MARCHF2: variants seen among roughly 807,000 people sequenced by gnomAD.
The protein encoded by MARCHF2 is membrane associated ring-CH-type finger 2.
MARCHF2 carries 22 observed loss-of-function variants against 24.0 expected under a neutral mutation model. The ratio of observed to expected loss-of-function variants is 0.92; its 90% CI spans 0.66 to 1.31. The LOEUF is 1.31. MARCHF2 is among the 50% of genes most tolerant of loss of function. The pLI, the probability that MARCHF2 is intolerant of heterozygous loss-of-function variation, is 0.00. For synonymous variants in MARCHF2, 154 were observed against 153.0 expected (o/e 1.01, Z -0.05); for missense variants, 301 against 335.3 (o/e 0.90, Z 0.80).
At position 8,420,682 on chromosome 19, in the gene MARCHF2, C is replaced by T. The variant is rs1042736582; in HGVS notation, c.-52-1107C>T. On this transcript the variant is annotated intron_variant, in intron 1 of 4. Coordinates refer to ENST00000215555, the MANE Select transcript of MARCHF2 (RefSeq NM_001005415.2). ...TCTCTTTTTTAGAGACAGGTTCTCACTCTGTGGCATAGGCAGGAGTGCTGT... is the reference window on the plus strand; with the variant it reads ...TCTCTTTTTTAGAGACAGGTTCTCATTCTGTGGCATAGGCAGGAGTGCTGT... 2.0e-5 allele frequency among the ~76,000 whole-genome samples: 3 copies of T among 152,182 alleles called. No homozygotes were observed. In the South Asian group the frequency reaches 6.2e-4, roughly 32 times the overall value.
chr19:8,429,178 G>T (rs995784306), intron 3 of MARCHF2, among the ~76,000 whole-genome samples: 1 of 148,812 alleles, frequency 6.7e-6, no homozygotes, highest in Non-Finnish European at 1.5e-5. Context: ...TCTTCACGTG[G>T]TTCCTTCTGT....
chr19:8,421,708 G>A, intron 1 of MARCHF2, 81 bp from the exon 2 acceptor site: 4 of 723,550 alleles, frequency 5.5e-6, no homozygotes, highest in Non-Finnish European at 8.8e-6. Flanking sequence ...GGTCCCTACA[G>A]CCTTGACAAG....
chr19:8,438,233 T>C (rs143654476), intron 4 of MARCHF2, among the ~76,000 whole-genome samples, 155 bp from the exon 5 acceptor site: 1 of 152,274 alleles, frequency 6.6e-6, no homozygotes, highest in Non-Finnish European at 1.5e-5. Flanking sequence ...TGGGTCTGTG[T>C]GTGTGCACTT....
At chr19:8,427,594 G>A (rs545821708) in intron 3 of MARCHF2, 9 of 152,082 alleles carry the variant, frequency 5.9e-5, no homozygotes, top group Admixed American at 5.9e-4. Context: ...CATGTCACAG[G>A]GGGTGGGGCA....
Position 8,438,494 on chromosome 19 carries a change from C to T in MARCHF2, c.689C>T (p.Ser230Phe). The stretch of plus-strand genomic sequence containing the variant: ...GACAGCCCCGAGGGCCCCCAGCATT[C>T]TCCACTGGCAGCTGGACTCCTGAAG... Reference protein sequence around the residue: ...EADSPEGPQHSPLAAGLLKKV... With the variant: ...EADSPEGPQHFPLAAGLLKKV... The change falls in exon 5 of 5, where the codon TCT becomes TTT. Residue 230 changes from serine to phenylalanine, a missense_variant. Physicochemically the swap from Ser to Phe is radical, Grantham distance 155 (BLOSUM62 -2). Coordinates refer to ENST00000215555, the MANE Select transcript of MARCHF2 (RefSeq NM_001005415.2). 6.2e-7 allele frequency: 1 copy of T among 1,614,148 alleles called. No homozygotes were observed. Among genetic ancestry groups the T allele is most frequent in the Non-Finnish European group, 8.5e-7 (1 of 1,180,032 alleles).
intron 3 of MARCHF2, among the ~76,000 whole-genome samples, chr19:8,429,948 C>T (rs912475990): frequency 6.6e-6 from 1 of 151,816 alleles, no homozygotes; most frequent in African/African-American, 2.4e-5. Flanking sequence ...GACTATGTAG[C>T]TGTGTGAGTT....
At chr19:8,421,382 C>CTTTTTTTTTTTTTTTTTTTTG (rs1254772289) in intron 1 of MARCHF2, among the ~76,000 whole-genome samples, 1 of 111,620 alleles carries the variant, frequency 9.0e-6, no homozygotes, top group African/African-American at 3.3e-5. Flanking sequence ...TCTTTCTTTT[C>CTTTTTTTTTTTTTTTTTTTTG]TTTTTTTTTT....
chr19:8,415,733 AACAAAAAAAAC>A (rs1441171891), intron 1 of MARCHF2, among the ~76,000 whole-genome samples: 13 of 80,480 alleles, frequency 1.6e-4, no homozygotes, highest in South Asian at 8.1e-4. Flanking sequence ...AAAAAAAAAA[AACAAAAAAAAC>A]AAAAAAAAAA....
chr19:8,424,689 C>G (rs1452677393), intron 2 of MARCHF2, among the ~76,000 whole-genome samples: 4 of 151,824 alleles, frequency 2.6e-5, no homozygotes, highest in Non-Finnish European at 4.4e-5. Flanking sequence ...AAAAAATCTA[C>G]CTTTCCCTGT....
Position 8,438,694 on chromosome 19 carries a change from C to T in MARCHF2, c.*148C>T, listed in dbSNP as rs1294344223. The T allele has an allele frequency of 1.1e-5, 8 of 700,950 alleles. No individual in the cohort carries two copies. 43.4% of individuals were successfully genotyped at this position (700,950 alleles called of 1,614,324 possible). On this transcript the variant is annotated 3_prime_UTR_variant, in exon 5 of 5. Transcript: ENST00000215555. ...TTAGGCCAAGAGACACCATGCAGAG[C>T]CTAGTCTGTGATCCTGTGTGAAGAT...
rs1432659948 is a variant in MARCHF2 at position 8,430,250 on chromosome 19, C to G, written c.373-408C>G. Among the ~76,000 whole-genome samples the G allele has an allele frequency of 1.3e-5, 2 of 152,112 alleles. No individual in the cohort carries two copies. Among genetic ancestry groups the G allele is most frequent in the African/African-American group, 4.8e-5 (2 of 41,440 alleles). ...TGGTGGCGCTTGCCTATAATCCCAG[C>G]TACTCGGGAGGCTGAGGTGGGAGAA... is the stretch of plus-strand genomic sequence containing the variant. On this transcript the variant is annotated intron_variant, in intron 3 of 4. Coordinates refer to ENST00000215555, the MANE Select transcript of MARCHF2 (RefSeq NM_001005415.2). The surrounding 1 kb of genome is among the most constrained non-coding windows in gnomAD (Gnocchi z 4.4).
At chr19:8,420,497 C>G (rs1303722026) in intron 1 of MARCHF2, among the ~76,000 whole-genome samples, 2 of 146,602 alleles carry the variant, frequency 1.4e-5, no homozygotes, top group Non-Finnish European at 3.0e-5. Context: ...GATCGTGCCA[C>G]TGCGCTCCAG....
chr19:8,433,359 A>G (rs1453164799), intron 4 of MARCHF2, among the ~76,000 whole-genome samples: 1 of 151,976 alleles, frequency 6.6e-6, no homozygotes, highest in Non-Finnish European at 1.5e-5. Flanking sequence ...CCTGAGAAAC[A>G]TGGTGAAACC....
At chr19:8,433,598 C>G (rs973543016) in intron 4 of MARCHF2, among the ~76,000 whole-genome samples, 3 of 149,916 alleles carry the variant, frequency 2.0e-5, no homozygotes, top group African/African-American at 7.4e-5. Flanking sequence ...ATCGATTGAA[C>G]CTGGGAGGCA....
At chr19:8,434,081 C>CTTTTTT (rs750325194) in intron 4 of MARCHF2, among the ~76,000 whole-genome samples, 35 of 105,956 alleles carry the variant, frequency 3.3e-4, no homozygotes, top group Admixed American at 6.2e-4. Context: ...ACCAGCATTT[C>CTTTTTT]TTTTTTTTTT....
At chr19:8,419,849 AAAAAAT>A (rs1170400417) in intron 1 of MARCHF2, among the ~76,000 whole-genome samples, 73 of 143,318 alleles carry the variant, frequency 5.1e-4, no homozygotes, top group Admixed American at 7.8e-4. Flanking sequence ...AAATAAAAAT[AAAAAAT>A]AAAAATAAAA....
intron 1 of MARCHF2, among the ~76,000 whole-genome samples, chr19:8,419,029 A>C (rs1967156681): frequency 6.6e-6 from 1 of 152,076 alleles, no homozygotes; most frequent in Admixed American, 6.6e-5. Flanking sequence ...TATTGGCTTC[A>C]AGGAGGTCTC....
intron 1 of MARCHF2, among the ~76,000 whole-genome samples, chr19:8,415,681 ATTGCTCTCCACCCTGGGC>A (rs1967058167): frequency 7.6e-6 from 1 of 131,218 alleles, no homozygotes; most frequent in Non-Finnish European, 1.6e-5. Flanking sequence ...AGGTGGTGCC[ATTGCTCTCCACCCTGGGC>A]AACAAGAGTG....
chr19:8,418,067 AC>A (rs1264528646), intron 1 of MARCHF2, among the ~76,000 whole-genome samples: 2 of 151,458 alleles, frequency 1.3e-5, no homozygotes, highest in Admixed American at 1.3e-4. Flanking sequence ...CCCGGCCAAG[AC>A]CCTGTCTTAA....
Sources: allele counts gnomAD v4.1 joint callset (sites outside exome capture counted in the v4.1 genomes callset), GRCh38; gene constraint gnomAD v4.1.1; non-coding constraint Gnocchi (gnomAD v3.1); transcripts MANE v1.5; gene names NCBI Gene and HGNC (gene_info 2026-07-23, HGNC 2026-07-21).